The following MAGI1 variants were observed in gnomAD, a reference collection of about 807,000 sequenced individuals.
MAGI1 encodes the protein membrane-associated guanylate kinase, WW and PDZ domain-containing protein 1.
Under a neutral mutation model 139.9 loss-of-function variants are expected in MAGI1, and 58 were observed. That is an observed-to-expected ratio of 0.41 (90% CI 0.34 to 0.52). The LOEUF is 0.52. Among genes scored for constraint, MAGI1 ranks in the 20% least tolerant of loss-of-function variants. The pLI is 0.12. For synonymous variants in MAGI1, 812 were observed against 737.9 expected, an observed-to-expected ratio of 1.10 and a Z score of -1.63; for missense variants, 1,874 against 1,901.6, an observed-to-expected ratio of 0.99 and a Z score of 0.27.
chr3:65,774,421 T>C (rs2038203320), intron 1 of MAGI1, among the ~76,000 whole-genome samples: 1 of 152,210 alleles, frequency 6.6e-6, no homozygotes. Flanking sequence ...CTTGGATAAT[T>C]AGTTTCTGAA....
intron 13 of MAGI1, among the ~76,000 whole-genome samples, chr3:65,401,154 A>T (rs928364792): frequency 6.6e-6 from 1 of 152,128 alleles, no homozygotes; most frequent in Non-Finnish European, 1.5e-5. Context: ...CATCCCTTTG[A>T]AGGAGAGTGT....
chr3:65,802,911 C>G (rs2040608949), intron 1 of MAGI1, among the ~76,000 whole-genome samples: 1 of 148,340 alleles, frequency 6.7e-6, no homozygotes, highest in Non-Finnish European at 1.5e-5. Flanking sequence ...GCATCTAACT[C>G]ATCTATGGTG....
intron 1 of MAGI1, among the ~76,000 whole-genome samples, chr3:65,826,024 T>C (rs1437243664): frequency 6.6e-6 from 1 of 152,058 alleles, no homozygotes; most frequent in South Asian, 2.1e-4. Context: ...ATTTTATATA[T>C]ATATATGCAT....
At chr3:65,530,547 G>T (rs180796379) in intron 2 of MAGI1, among the ~76,000 whole-genome samples, 1 of 150,466 alleles carries the variant, frequency 6.6e-6, no homozygotes, top group Non-Finnish European at 1.5e-5. Context: ...AGCCCAGGAG[G>T]CAGAGGTTGC....
At chr3:65,662,513 C>T (rs2086256559) in intron 1 of MAGI1, among the ~76,000 whole-genome samples, 1 of 152,212 alleles carries the variant, frequency 6.6e-6, no homozygotes, top group South Asian at 2.1e-4. Context: ...GTTTACCAAT[C>T]ACTGATCTAA....
At chr3:66,013,761 A>AG (rs1491424331) in intron 1 of MAGI1, among the ~76,000 whole-genome samples, 1 of 123,448 alleles carries the variant, frequency 8.1e-6, no homozygotes, top group Non-Finnish European at 1.7e-5. Flanking sequence ...ACTCTGTCTC[A>AG]AAAAAAAAAA....
chr3:65,763,434 G>A (rs1022615729), intron 1 of MAGI1, among the ~76,000 whole-genome samples: 1 of 151,812 alleles, frequency 6.6e-6, no homozygotes, highest in Admixed American at 6.6e-5. Context: ...CTCAGGCCTG[G>A]CTGAAAAAAA....
At chr3:66,007,737 C>T (rs1429524341) in intron 1 of MAGI1, among the ~76,000 whole-genome samples, 1 of 152,074 alleles carries the variant, frequency 6.6e-6, no homozygotes, top group African/African-American at 2.4e-5. Flanking sequence ...AGGAACATAG[C>T]TCATAAGTGA....
chr3:65,472,514 C>G (rs1950612629), intron 4 of MAGI1, among the ~76,000 whole-genome samples: 1 of 152,042 alleles, frequency 6.6e-6, no homozygotes, highest in Admixed American at 6.6e-5. Flanking sequence ...TGTAGAAAAC[C>G]AATTGTTTAA....
At chr3:65,939,954 G>A (rs2063230301) in intron 1 of MAGI1, among the ~76,000 whole-genome samples, 1 of 152,168 alleles carries the variant, frequency 6.6e-6, no homozygotes, top group Admixed American at 6.6e-5. Flanking sequence ...ATCATTAAGT[G>A]ACTAAAATGA....
chr3:65,542,607 C>T (rs559532386), intron 2 of MAGI1, among the ~76,000 whole-genome samples: 11 of 152,144 alleles, frequency 7.2e-5, no homozygotes, highest in Non-Finnish European at 1.6e-4. Flanking sequence ...CACACATCTA[C>T]AACCATATGA....
At chr3:65,686,144 G>A (rs2088007303) in intron 1 of MAGI1, among the ~76,000 whole-genome samples, 1 of 152,104 alleles carries the variant, frequency 6.6e-6, no homozygotes, top group Non-Finnish European at 1.5e-5. Context: ...TGGCTCTGGG[G>A]ACAATTTGCT....
chr3:65,454,394 G>T (rs113512567), intron 5 of MAGI1, among the ~76,000 whole-genome samples: 15 of 147,786 alleles, frequency 1.0e-4, no homozygotes, highest in Non-Finnish European at 4.5e-5. Context: ...GGTTGGGGGA[G>T]GGGAGAGGGA....
At chr3:65,855,754 C>T (rs138845743) in intron 1 of MAGI1, among the ~76,000 whole-genome samples, 117 of 151,212 alleles carry the variant, frequency 7.7e-4, no homozygotes, top group African/African-American at 2.5e-3. Context: ...GAACCAACAC[C>T]GGATAGCCCA....
At chr3:65,706,440 C>T (rs1298278139) in intron 1 of MAGI1, among the ~76,000 whole-genome samples, 1 of 152,200 alleles carries the variant, frequency 6.6e-6, no homozygotes, top group Non-Finnish European at 1.5e-5. Flanking sequence ...CATTCACTGA[C>T]TTAACAAATG....
chr3:65,436,519 T>C (rs1947866619), intron 10 of MAGI1, among the ~76,000 whole-genome samples: 1 of 152,142 alleles, frequency 6.6e-6, no homozygotes, highest in African/African-American at 2.4e-5. Context: ...TAAACATGCA[T>C]AAATACCAAA....
intron 1 of MAGI1, among the ~76,000 whole-genome samples, chr3:65,935,235 G>C (rs371747597): frequency 6.6e-6 from 1 of 152,164 alleles, no homozygotes; most frequent in Non-Finnish European, 1.5e-5. Context: ...CCAAAAGCTG[G>C]AGAACAAGGT....
At chr3:65,869,037 G>A (rs1437857200) in intron 1 of MAGI1, among the ~76,000 whole-genome samples, 2 of 152,006 alleles carry the variant, frequency 1.3e-5, no homozygotes, top group East Asian at 3.9e-4. Context: ...GGAGGCCGAG[G>A]CGGGCGGATC....
chr3:65,903,923 G>T (rs550946144), intron 1 of MAGI1, among the ~76,000 whole-genome samples: 1 of 151,884 alleles, frequency 6.6e-6, no homozygotes, highest in East Asian at 1.9e-4. Context: ...CAGGAGAATC[G>T]CTTGAACCCA....
Sources: gnomAD v4.1 joint callset for allele counts (sites outside exome capture counted in the v4.1 genomes callset) on GRCh38, gnomAD v4.1.1 for gene constraint, MANE v1.5 for transcripts, NCBI Gene and HGNC (gene_info 2026-07-23, HGNC 2026-07-21) for gene names.